Variants in GRID1 observed in about 807,000 individuals in gnomAD.
The protein encoded by GRID1 is glutamate receptor ionotropic, delta-1.
A neutral mutation model predicts 98.0 loss-of-function variants in GRID1; 28 were observed. The observed-to-expected ratio is 0.29, with a 90% CI of 0.21 to 0.39. The LOEUF (loss-of-function observed/expected upper bound fraction) is 0.39. Ranked by LOEUF, GRID1 falls within the 10% of genes least tolerant of loss-of-function variation. The pLI is 1.00. For synonymous variants in GRID1, 553 were observed against 538.5 expected, an observed-to-expected ratio of 1.03 and a Z score of -0.37; for missense variants, 1,111 against 1,340.5, an observed-to-expected ratio of 0.83 and a Z score of 2.67.
chr10:86,018,549 A>T (rs1589338668), intron 4 of GRID1, among the ~76,000 whole-genome samples: 1 of 152,348 alleles, frequency 6.6e-6, no homozygotes, highest in Middle Eastern at 3.4e-3. Flanking sequence ...TGCAGCTCCG[A>T]GGCCAAGAGC....
intron 8 of GRID1, among the ~76,000 whole-genome samples, chr10:85,749,135 T>C (rs1426984020): frequency 6.6e-6 from 1 of 152,228 alleles, no homozygotes; most frequent in African/African-American, 2.4e-5. Context: ...GACAGGCAGT[T>C]ACTATTCATC....
chr10:85,824,346 G>T (rs1414701425), intron 8 of GRID1, among the ~76,000 whole-genome samples: 1 of 151,986 alleles, frequency 6.6e-6, no homozygotes, highest in Non-Finnish European at 1.5e-5. Flanking sequence ...CATGTAGCTG[G>T]GATTACAGAC....
intron 2 of GRID1, among the ~76,000 whole-genome samples, chr10:86,363,342 C>T (rs114535708): frequency 0.017 from 2,571 of 152,332 alleles, 62 homozygotes; most frequent in African/African-American, 0.054. Context: ...GGCGGCGCCT[C>T]CGCCCGCGGC....
At chr10:85,901,796 G>C (rs1322954754) in intron 5 of GRID1, among the ~76,000 whole-genome samples, 1 of 152,144 alleles carries the variant, frequency 6.6e-6, no homozygotes, top group African/African-American at 2.4e-5. Context: ...CCCATCATCT[G>C]TGCAGCTGCA....
At chr10:85,659,397 G>T (rs1840939063) in intron 12 of GRID1, among the ~76,000 whole-genome samples, 3 of 152,216 alleles carry the variant, frequency 2.0e-5, no homozygotes, top group Admixed American at 2.0e-4. Flanking sequence ...GGACCCCAAA[G>T]GAGGTGGACT....
At chr10:85,893,989 C>T (rs1465428845) in intron 5 of GRID1, among the ~76,000 whole-genome samples, 8 of 152,160 alleles carry the variant, frequency 5.3e-5, no homozygotes, top group African/African-American at 1.9e-4. Flanking sequence ...ATGTGAAGAA[C>T]CTAGAAAGGT....
At chr10:86,272,359 A>G (rs1426711881) in intron 2 of GRID1, among the ~76,000 whole-genome samples, 1 of 152,222 alleles carries the variant, frequency 6.6e-6, no homozygotes, top group Non-Finnish European at 1.5e-5. Flanking sequence ...CTTAGTCAAG[A>G]AAAAGGCAAC....
chr10:85,994,385 T>A (rs1211775498), intron 4 of GRID1, among the ~76,000 whole-genome samples: 2 of 152,098 alleles, frequency 1.3e-5, no homozygotes, highest in East Asian at 3.9e-4. Context: ...CAACTTGAGA[T>A]TAAAATTGTT....
intron 4 of GRID1, among the ~76,000 whole-genome samples, chr10:86,033,692 G>T (rs898026847): frequency 6.6e-6 from 1 of 152,170 alleles, no homozygotes; most frequent in Non-Finnish European, 1.5e-5. Context: ...GGGCCTCCAG[G>T]CTGGACAGGG....
chr10:85,716,800 A>G (rs868447966), intron 12 of GRID1, among the ~76,000 whole-genome samples: 5 of 151,262 alleles, frequency 3.3e-5, no homozygotes, highest in Admixed American at 2.6e-4. Flanking sequence ...AGAGGATATT[A>G]TGTTACGTTA....
chr10:86,258,530 C>T (rs538881312), intron 2 of GRID1, among the ~76,000 whole-genome samples: 4 of 152,254 alleles, frequency 2.6e-5, no homozygotes, highest in African/African-American at 9.6e-5. Flanking sequence ...AGCTCTGTCC[C>T]ACAGCATCTT....
chr10:85,989,590 G>A (rs772859496), intron 4 of GRID1, among the ~76,000 whole-genome samples: 1 of 152,166 alleles, frequency 6.6e-6, no homozygotes, highest in Admixed American at 6.5e-5. Flanking sequence ...TTAAGCATGC[G>A]ACAGATCTAG....
At chr10:85,740,169 A>G (rs1485513581) in intron 8 of GRID1, among the ~76,000 whole-genome samples, 5 of 152,152 alleles carry the variant, frequency 3.3e-5, no homozygotes, top group Admixed American at 2.6e-4. Context: ...GGCATTCTCT[A>G]TAGTGGGACA....
chr10:85,857,899 T>A (rs192948820), intron 6 of GRID1, among the ~76,000 whole-genome samples: 46 of 152,290 alleles, frequency 3.0e-4, no homozygotes, highest in African/African-American at 1.0e-3. Flanking sequence ...CTTCCTCATG[T>A]TTCTTAGTCC....
chr10:86,299,457 A>G (rs913789236), intron 2 of GRID1, among the ~76,000 whole-genome samples: 13 of 151,316 alleles, frequency 8.6e-5, no homozygotes, highest in Admixed American at 2.6e-4. Flanking sequence ...TACATTAGGT[A>G]TATCTCCTAA....
intron 4 of GRID1, among the ~76,000 whole-genome samples, chr10:86,077,638 T>C (rs1843901926): frequency 6.6e-6 from 1 of 152,210 alleles, no homozygotes; most frequent in African/African-American, 2.4e-5. Flanking sequence ...TGGCCAGTGA[T>C]TCGTGTGCGT....
chr10:86,242,093 C>T (rs893353896), intron 2 of GRID1, among the ~76,000 whole-genome samples: 5 of 152,324 alleles, frequency 3.3e-5, no homozygotes, highest in East Asian at 1.9e-4. Context: ...TGCCAAGCCC[C>T]GTGCTAGGTT....
intron 6 of GRID1, among the ~76,000 whole-genome samples, chr10:85,859,203 C>T (rs1284983009): frequency 6.6e-6 from 1 of 152,242 alleles, no homozygotes; most frequent in Non-Finnish European, 1.5e-5. Flanking sequence ...CTCTAGAACT[C>T]AGCACCAATC....
intron 13 of GRID1, among the ~76,000 whole-genome samples, chr10:85,627,963 T>C (rs1264560428): frequency 1.3e-5 from 2 of 152,116 alleles, no homozygotes; most frequent in Non-Finnish European, 2.9e-5. Context: ...CAACACACTC[T>C]GTGTGAGTAA....
Sources: gnomAD v4.1 joint callset for allele counts (sites outside exome capture counted in the v4.1 genomes callset) on GRCh38, gnomAD v4.1.1 for gene constraint, MANE v1.5 for transcripts, NCBI Gene and HGNC (gene_info 2026-07-23, HGNC 2026-07-21) for gene names.